The following PPP2R1A variants were observed in gnomAD, a reference collection of about 807,000 sequenced individuals.
The protein encoded by PPP2R1A is serine/threonine-protein phosphatase 2A 65 kDa regulatory subunit A alpha isoform.
In PPP2R1A, 15 loss-of-function variants were observed where a neutral mutation model predicts 67.1. That is an observed-to-expected ratio of 0.22 (90% CI 0.15 to 0.34). PPP2R1A has a LOEUF of 0.34. PPP2R1A is among the 10% of genes least tolerant of loss of function. The pLI, the probability that PPP2R1A is intolerant of heterozygous loss-of-function variation, is 1.00. For missense variants in PPP2R1A, 369 were observed against 775.0 expected (o/e 0.48, Z 6.22); for synonymous variants, 337 against 325.0 (o/e 1.04, Z -0.40).
chr19:52,221,867 A>T (rs963910465), intron 12 of PPP2R1A, among the ~76,000 whole-genome samples: 1 of 152,170 alleles, frequency 6.6e-6, no homozygotes, highest in East Asian at 1.9e-4. Flanking sequence ...GGGCTTGGTA[A>T]TTAAGGTCGA....
chr19:52,211,773 C>T lies in PPP2R1A; in HGVS notation c.503+281C>T, dbSNP rs1195092666. 2.1e-6 allele frequency: 1 copy of T among 481,168 alleles called. No homozygotes were observed. The highest frequency in any genetic ancestry group is 3.7e-6 in the Non-Finnish European group (1 of 271,660). 29.8% of individuals were successfully genotyped at this position (481,168 alleles called of 1,614,324 possible). A position where few individuals can be genotyped will look rare whatever the true frequency, so the allele number is the denominator to read the frequency against. The stretch of plus-strand genomic sequence containing the variant: ...GTGAGGATTTAAAAGAATTATCACA[C>T]ATAAAGTGCTTAGAGCAAAATCTGG... On this transcript the variant is annotated intron_variant, in intron 4 of 14. Transcript: ENST00000322088. This position sits in a 1 kb window ranked among gnomAD's most constrained non-coding sequence, Gnocchi z 5.3.
chr19:52,198,832 C>T (rs1005517255), intron 1 of PPP2R1A, among the ~76,000 whole-genome samples: 5 of 152,148 alleles, frequency 3.3e-5, no homozygotes, highest in Admixed American at 2.0e-4. Flanking sequence ...GAAGTGGGGA[C>T]GCTGCTAACA....
chr19:52,211,180 A>T lies in PPP2R1A; in HGVS notation c.271-80A>T, dbSNP rs963098897. On this transcript the variant is annotated intron_variant, in intron 3 of 14. Transcript: ENST00000322088. The surrounding 1 kb of genome is among the most constrained non-coding windows in gnomAD (Gnocchi z 5.3). Reference sequence around the variant, plus strand: ...AAGTTTTCTCTGAGGAGATGAGCCCATGATGGGGTGCAGGATGGGGCTCCA... The same window carrying T: ...AAGTTTTCTCTGAGGAGATGAGCCCTTGATGGGGTGCAGGATGGGGCTCCA... The T allele has an allele frequency of 8.3e-5, 114 of 1,365,424 alleles. 2 individuals are homozygous for T. Among genetic ancestry groups the T allele is most frequent in the Non-Finnish European group, 1.1e-4 (108 of 984,338 alleles). The allele number at this position is 1,365,424 out of a possible 1,614,324, so 84.6% of individuals were successfully genotyped here.
intron 1 of PPP2R1A, among the ~76,000 whole-genome samples, chr19:52,194,763 G>T (rs1051925073): frequency 6.6e-6 from 1 of 152,148 alleles, no homozygotes; most frequent in Non-Finnish European, 1.5e-5. Flanking sequence ...GCAAAATGGG[G>T]ATAATGATGA....
intron 1 of PPP2R1A, among the ~76,000 whole-genome samples, chr19:52,190,458 T>C (rs1223957547): frequency 6.6e-6 from 1 of 151,936 alleles, no homozygotes; most frequent in Non-Finnish European, 1.5e-5. Context: ...AGGGCTGGGG[T>C]CTGCGGACTG....
chr19:52,222,434 AG>A (rs1187523566), intron 13 of PPP2R1A, 193 bp downstream of exon 13: 1 of 799,096 alleles, frequency 1.3e-6, no homozygotes, highest in South Asian at 2.7e-5. Flanking sequence ...AAATAGAAAG[AG>A]GGGGTGATGG....
intron 13 of PPP2R1A, 56 bp from the exon 14 acceptor site, chr19:52,225,661 T>C (rs1178065376): frequency 6.5e-7 from 1 of 1,530,706 alleles, no homozygotes; most frequent in African/African-American, 1.4e-5. Flanking sequence ...TGCCCACCTG[T>C]TGCCCCAGTC....
Position 52,219,439 on chromosome 19 carries a change from TAA to T in PPP2R1A, c.1129-250_1129-249del, listed in dbSNP as rs1978782810. On this transcript the variant is annotated intron_variant, in intron 9 of 14. Transcript: ENST00000322088. This position sits in a 1 kb window ranked among gnomAD's most constrained non-coding sequence, Gnocchi z 4.0. The stretch of plus-strand genomic sequence containing the variant: ...TGCTGTATTTTCCTACTGTGATTCT[TAA>T]AGTCTTTTCAAAATGGATAAACATT... Among the ~76,000 whole-genome samples the T allele has an allele frequency of 6.6e-6, 1 of 152,242 alleles. No individual in the cohort carries two copies. Among genetic ancestry groups the T allele is most frequent in the Non-Finnish European group, 1.5e-5 (1 of 68,044 alleles).
intron 3 of PPP2R1A, among the ~76,000 whole-genome samples, chr19:52,207,654 G>A (rs2089618295): frequency 6.6e-6 from 1 of 152,196 alleles, no homozygotes; most frequent in Non-Finnish European, 1.5e-5. Flanking sequence ...GCTTGTGCTT[G>A]CTCGTTGCCT....
At chr19:52,209,583 T>G (rs1043438418) in intron 3 of PPP2R1A, among the ~76,000 whole-genome samples, 63 of 152,104 alleles carry the variant, frequency 4.1e-4, no homozygotes, top group African/African-American at 1.4e-3. Flanking sequence ...GCGGTAGGTT[T>G]ATTCACATTG....
chr19:52,209,074 A>C (rs1423184675), intron 3 of PPP2R1A, among the ~76,000 whole-genome samples: 1 of 152,190 alleles, frequency 6.6e-6, no homozygotes, highest in East Asian at 1.9e-4. Context: ...ATGCTGGGAT[A>C]GGCCTCCGGG....
chr19:52,205,995 G>A lies in PPP2R1A; in HGVS notation c.202G>A (p.Ala68Thr), dbSNP rs2089597632. ...TIYDEDEVLL[A>T]LAEQLGTFTT... ...CTATGATGAAGATGAGGTCCTCCTG[G>A]CCCTGGCAGAACAGCTGGGAACCTT... is the stretch of plus-strand genomic sequence containing the variant. The change falls in exon 3 of 15, where the codon GCC (alanine) becomes ACC (threonine). Residue 68 changes from alanine (A) to threonine (T), a missense_variant. This residue lies in a region of PPP2R1A where 93 missense variants were observed against 266.5 expected (regional missense o/e 0.35). Transcript: ENST00000322088. 6.2e-7 allele frequency: 1 copy of A among 1,614,110 alleles called. No homozygotes were observed. The highest frequency in any genetic ancestry group is 8.5e-7 in the Non-Finnish European group (1 of 1,179,980).
chr19:52,197,271 G>A (rs1410606759), intron 1 of PPP2R1A, among the ~76,000 whole-genome samples: 1 of 152,098 alleles, frequency 6.6e-6, no homozygotes, highest in Non-Finnish European at 1.5e-5. Flanking sequence ...TGTCATTTCT[G>A]CTATTATACA....
intron 2 of PPP2R1A, among the ~76,000 whole-genome samples, chr19:52,203,130 G>C (rs991651375): frequency 1.3e-5 from 2 of 152,182 alleles, no homozygotes; most frequent in Admixed American, 1.3e-4. Flanking sequence ...TGATGATCCT[G>C]GGGAGGAAGG....
At chr19:52,190,925 T>G (rs1568583462) in intron 1 of PPP2R1A, 1 of 152,356 alleles carries the variant, frequency 6.6e-6, no homozygotes, top group African/African-American at 2.4e-5. Flanking sequence ...AGTGGCGCGA[T>G]CTCGGCTCAG....
chr19:52,222,404 A>G, intron 13 of PPP2R1A, 163 bp downstream of exon 13: 1 of 1,047,040 alleles, frequency 9.6e-7, no homozygotes, highest in Non-Finnish European at 1.3e-6. Flanking sequence ...TCTCAACTGT[A>G]AAATGAACAT....
intron 3 of PPP2R1A, among the ~76,000 whole-genome samples, chr19:52,207,417 C>T (rs1332874452): frequency 6.6e-6 from 1 of 152,188 alleles, no homozygotes; most frequent in African/African-American, 2.4e-5. Flanking sequence ...GGTTGGGACT[C>T]AGGCTTGCTG....
In PPP2R1A at chr19:52,222,252, G is replaced by C; in HGVS notation, c.1661+11G>C. ...CATCCTGGACAACAGGTGAGGTCTG[G>C]ATACTCCCCCACACACTGGCAGGGG... On this transcript the variant is annotated intron_variant, in intron 13 of 14. Transcript: ENST00000322088. The C allele has an allele frequency of 6.2e-7, 1 of 1,613,160 alleles. No individual in the cohort carries two copies. Among genetic ancestry groups the C allele is most frequent in the Non-Finnish European group, 8.5e-7 (1 of 1,179,474 alleles).
At chr19:52,195,474 ATTCAG>A (rs2089489658) in intron 1 of PPP2R1A, among the ~76,000 whole-genome samples, 1 of 152,162 alleles carries the variant, frequency 6.6e-6, no homozygotes, top group Non-Finnish European at 1.5e-5. Context: ...ATGTCCTCCA[ATTCAG>A]TTCAGACACG....
Sources: allele counts gnomAD v4.1 joint callset (sites outside exome capture counted in the v4.1 genomes callset), GRCh38; gene constraint gnomAD v4.1.1; regional missense constraint gnomAD v4.1.1; non-coding constraint Gnocchi (gnomAD v3.1); transcripts MANE v1.5; gene names NCBI Gene and HGNC (gene_info 2026-07-23, HGNC 2026-07-21).